CSMD1: variants seen among roughly 807,000 people sequenced by gnomAD.
CSMD1 encodes the protein CUB and sushi domain-containing protein 1.
A neutral mutation model predicts 417.5 loss-of-function variants in CSMD1; 213 were observed. The observed-to-expected ratio is 0.51, with a 90% CI of 0.46 to 0.57. CSMD1 has a LOEUF of 0.57. Among genes scored for constraint, CSMD1 ranks in the 20% least tolerant of loss-of-function variants. The pLI, the probability that CSMD1 is intolerant of heterozygous loss-of-function variation, is 0.00. For synonymous variants in CSMD1, 2,862 were observed against 1,736.8 expected, an observed-to-expected ratio of 1.65 and a Z score of -16.11; for missense variants, 6,923 against 4,529.7, an observed-to-expected ratio of 1.53 and a Z score of -15.17.
intron 1 of CSMD1, among the ~76,000 whole-genome samples, chr8:4,849,660 G>A (rs1801352121): frequency 6.6e-6 from 1 of 152,052 alleles, no homozygotes; most frequent in Non-Finnish European, 1.5e-5. Flanking sequence ...TTGTATTATA[G>A]TTGTCCATAT....
intron 1 of CSMD1, among the ~76,000 whole-genome samples, chr8:4,985,348 G>C (rs1264147605): frequency 7.3e-6 from 1 of 137,858 alleles, no homozygotes; most frequent in East Asian, 2.0e-4. Flanking sequence ...TTCATATCCT[G>C]CACATCTGCC....
intron 42 of CSMD1, among the ~76,000 whole-genome samples, chr8:3,111,260 G>A (rs1816498595): frequency 6.6e-6 from 1 of 152,170 alleles, no homozygotes; most frequent in Non-Finnish European, 1.5e-5. Flanking sequence ...ATACCATGAG[G>A]CGGGATATGA....
At chr8:3,257,642 C>T (rs773459205) in intron 26 of CSMD1, among the ~76,000 whole-genome samples, 109 of 152,148 alleles carry the variant, frequency 7.2e-4, no homozygotes, top group African/African-American at 2.3e-3. Context: ...ATCAGCCTTG[C>T]GGGTACCTGG....
intron 5 of CSMD1, among the ~76,000 whole-genome samples, chr8:3,908,206 T>C (rs1045704969): frequency 6.6e-6 from 1 of 152,102 alleles, no homozygotes; most frequent in Admixed American, 6.6e-5. Context: ...AAGCACATAA[T>C]AGTCATTATC....
chr8:4,257,592 C>T (rs1051089187), intron 3 of CSMD1, among the ~76,000 whole-genome samples: 8 of 152,078 alleles, frequency 5.3e-5, no homozygotes, highest in South Asian at 2.1e-4. Flanking sequence ...TCTCTCCCTG[C>T]GGGATAGGAA....
intron 3 of CSMD1, among the ~76,000 whole-genome samples, chr8:4,227,639 A>G (rs1424271106): frequency 6.6e-6 from 1 of 151,940 alleles, no homozygotes; most frequent in African/African-American, 2.4e-5. Flanking sequence ...CCTTCTTCCT[A>G]CCAATCATTG....
At chr8:3,098,363 C>G (rs1815484682) in intron 46 of CSMD1, among the ~76,000 whole-genome samples, 1 of 152,134 alleles carries the variant, frequency 6.6e-6, no homozygotes, top group African/African-American at 2.4e-5. Context: ...TGTTTTTATT[C>G]AAGTAACTGC....
intron 24 of CSMD1, 119 bp from the exon 25 acceptor site, chr8:3,307,940 C>G (rs2117389699): frequency 6.3e-6 from 7 of 1,108,842 alleles, no homozygotes; most frequent in South Asian, 5.0e-5. Context: ...AAAAGAATCA[C>G]CATCATCTCT....
chr8:4,987,978 G>A (rs1811268191), intron 1 of CSMD1, among the ~76,000 whole-genome samples: 1 of 152,138 alleles, frequency 6.6e-6, no homozygotes, highest in Admixed American at 6.5e-5. Flanking sequence ...TCCACAGCTT[G>A]CTGACAGCCT....
chr8:4,301,046 G>C (rs961390412), intron 3 of CSMD1, among the ~76,000 whole-genome samples: 2 of 152,152 alleles, frequency 1.3e-5, no homozygotes, highest in Non-Finnish European at 2.9e-5. Context: ...ACAAAAAGAA[G>C]TCAGAAGGAG....
rs139510579 is a variant in CSMD1 at position 4,215,101 on chromosome 8, C to G, written c.416-183002G>C. ...ATACAAACAATGCTTCTATTCCGGA[C>G]AAGTGAATAGGTCTCAGTTCTCAGG... On this transcript the variant is annotated intron_variant, in intron 3 of 69. Coordinates refer to ENST00000635120, the MANE Select transcript of CSMD1 (RefSeq NM_033225.6). Among the ~76,000 whole-genome samples, 242 of 152,212 alleles carry G rather than the reference C, an allele frequency of 1.6e-3. 2 individuals are homozygous for G. The highest frequency in any genetic ancestry group is 5.7e-3 in the African/African-American group (238 of 41,536).
intron 1 of CSMD1, among the ~76,000 whole-genome samples, chr8:4,891,960 G>A (rs911096519): frequency 6.6e-6 from 1 of 152,046 alleles, no homozygotes; most frequent in Non-Finnish European, 1.5e-5. Flanking sequence ...GGCCTTTACA[G>A]ACATAAATTC....
intron 3 of CSMD1, among the ~76,000 whole-genome samples, chr8:4,342,850 T>C (rs529747340): frequency 6.6e-6 from 1 of 152,046 alleles, no homozygotes; most frequent in Non-Finnish European, 1.5e-5. Flanking sequence ...TGAGTCACCC[T>C]AGATACACCA....
Position 3,175,507 on chromosome 8 carries a change from G to GCCTACCTGCCTT in CSMD1, c.5725+5602_5725+5603insAAGGCAGGTAGG. On this transcript the variant is annotated intron_variant, in intron 37 of 69. Transcript: ENST00000635120. ...TTCCTGCCTGCCTGCCTGCCTGCCT[G>GCCTACCTGCCTT]CCTTTTTTCCTTCCTTCCTTCCTTC... 1.6e-5 allele frequency among the ~76,000 whole-genome samples: 2 copies of GCCTACCTGCCTT among 125,830 alleles called. 1 individual carries two copies. The highest frequency in any genetic ancestry group is 1.7e-4 in the Admixed American group (2 of 11,560). 82.5% of individuals were successfully genotyped at this position (125,830 alleles called of 152,430 possible).
intron 3 of CSMD1, among the ~76,000 whole-genome samples, chr8:4,320,402 A>C (rs1462845046): frequency 6.6e-6 from 1 of 152,176 alleles, no homozygotes; most frequent in African/African-American, 2.4e-5. Flanking sequence ...GTACATGTGT[A>C]GAATGTGCAG....
chr8:3,791,337 G>T (rs1301926525), intron 5 of CSMD1, among the ~76,000 whole-genome samples: 1 of 152,076 alleles, frequency 6.6e-6, no homozygotes, highest in African/African-American at 2.4e-5. Context: ...AATTTCATAG[G>T]ATAACCTGAA....
At chr8:2,940,999 T>A (rs377397116) in intron 69 of CSMD1, among the ~76,000 whole-genome samples, 1 of 152,252 alleles carries the variant, frequency 6.6e-6, no homozygotes, top group African/African-American at 2.4e-5. Flanking sequence ...TGGCATCTTA[T>A]TGGAGAAGGT....
intron 7 of CSMD1, among the ~76,000 whole-genome samples, chr8:3,621,814 G>A (rs1184612571): frequency 4.0e-5 from 6 of 151,520 alleles, no homozygotes; most frequent in Admixed American, 4.0e-4. Flanking sequence ...TCACCATATT[G>A]CCCAGGCTGG....
chr8:3,909,145 G>A (rs868859258), intron 5 of CSMD1, among the ~76,000 whole-genome samples: 4 of 152,314 alleles, frequency 2.6e-5, no homozygotes, highest in African/African-American at 7.2e-5. Context: ...GAAGTGGATC[G>A]TGATTGGTCC....
Sources: allele counts gnomAD v4.1 joint callset (sites outside exome capture counted in the v4.1 genomes callset), GRCh38; gene constraint gnomAD v4.1.1; transcripts MANE v1.5; gene names NCBI Gene and HGNC (gene_info 2026-07-23, HGNC 2026-07-21).